RPRD1B: variants seen among roughly 807,000 people sequenced by gnomAD.
RPRD1B encodes the protein regulation of nuclear pre-mRNA domain containing 1B.
A neutral mutation model predicts 41.5 loss-of-function variants in RPRD1B; 11 were observed. That is an observed-to-expected ratio of 0.27 (90% CI 0.17 to 0.44). The LOEUF is 0.44. Among genes scored for constraint, RPRD1B ranks in the 20% least tolerant of loss-of-function variants. The pLI, the probability that RPRD1B is intolerant of heterozygous loss-of-function variation, is 1.00. For missense variants in RPRD1B, 248 were observed against 389.9 expected (o/e 0.64, Z 3.06); for synonymous variants, 158 against 155.6 (o/e 1.02, Z -0.12).
At chr20:38,070,775 T>C in intron 6 of RPRD1B, 12 of 965,080 alleles carry the variant, frequency 1.2e-5, no homozygotes, top group Non-Finnish European at 1.5e-5. Flanking sequence ...ACTCTTGCTC[T>C]GTTGCCCAGG....
intron 3 of RPRD1B, among the ~76,000 whole-genome samples, chr20:38,050,038 ACT>A (rs1362018520): frequency 2.6e-5 from 4 of 152,020 alleles, no homozygotes; most frequent in Non-Finnish European, 5.9e-5. Flanking sequence ...CAAGAATGCA[ACT>A]CTCATTCTGA....
At chr20:38,056,551 A>C (rs2074243391) in intron 3 of RPRD1B, among the ~76,000 whole-genome samples, 1 of 152,232 alleles carries the variant, frequency 6.6e-6, no homozygotes, top group South Asian at 2.1e-4. Flanking sequence ...ATGTATCTGC[A>C]GCAGGTGCCT....
intron 5 of RPRD1B, among the ~76,000 whole-genome samples, chr20:38,060,328 C>G (rs1238039725): frequency 6.6e-6 from 1 of 152,226 alleles, no homozygotes; most frequent in Non-Finnish European, 1.5e-5. Flanking sequence ...CATTTTCCCA[C>G]TCCAGTCCCT....
chr20:38,089,974 TC>T lies in RPRD1B; in HGVS notation c.*101del. On this transcript the variant is annotated 3_prime_UTR_variant, in exon 7 of 7. Transcript: ENST00000373433. ...TCTAGCCCCTGGTTCTATCCCTTCT[TC>T]CGCCCAGCCCCCCAGCCTCAAGAAA... 1 of 1,511,360 alleles carries T rather than the reference TC, an allele frequency of 6.6e-7. No homozygotes were observed. Among genetic ancestry groups the T allele is most frequent in the South Asian group, 1.3e-5 (1 of 74,304 alleles). The allele number at this position is 1,511,360 out of a possible 1,614,324, so 93.6% of individuals were successfully genotyped here. A position where few individuals can be genotyped will look rare whatever the true frequency, so the allele number is the denominator to read the frequency against.
At chr20:38,037,370 TA>T (rs1196811529) in intron 1 of RPRD1B, among the ~76,000 whole-genome samples, 2 of 152,224 alleles carry the variant, frequency 1.3e-5, no homozygotes, top group African/African-American at 4.8e-5. Context: ...ATTGCAGAAT[TA>T]CTTTAAGACT....
intron 6 of RPRD1B, among the ~76,000 whole-genome samples, chr20:38,069,403 T>C (rs1407266887): frequency 6.6e-6 from 1 of 152,218 alleles, no homozygotes; most frequent in Non-Finnish European, 1.5e-5. Context: ...AAGTCCAAAC[T>C]TCCTGTCAGG....
rs559638255 is a variant in RPRD1B at position 38,084,175 on chromosome 20, G to C, written c.832-5551G>C. ...TTAAATATTGGTGGGGTGTGGGTCA[G>C]CTTCCCCTTTGGGCTTGGCTTTCTC... On this transcript the variant is annotated intron_variant, in intron 6 of 6. Transcript: ENST00000373433. 4.6e-4 allele frequency among the ~76,000 whole-genome samples: 70 copies of C among 152,246 alleles called. 1 individual carries two copies. The highest frequency in any genetic ancestry group is 3.4e-3 in the Middle Eastern group (1 of 294).
intron 3 of RPRD1B, among the ~76,000 whole-genome samples, chr20:38,051,817 C>T (rs1391654101): frequency 2.0e-5 from 3 of 151,960 alleles, no homozygotes; most frequent in African/African-American, 7.3e-5. Context: ...AATGGCGGGA[C>T]CTCGGCTCAC....
chr20:38,090,133 C>T lies in RPRD1B; in HGVS notation c.*258C>T, dbSNP rs1418392028. The T allele has an allele frequency of 5.1e-6, 6 of 1,185,594 alleles. No homozygotes were observed. The highest frequency in any genetic ancestry group is 3.8e-5 in the East Asian group (1 of 25,996). 73.4% of individuals were successfully genotyped at this position (1,185,594 alleles called of 1,614,324 possible). A position where few individuals can be genotyped will look rare whatever the true frequency, so the allele number is the denominator to read the frequency against. On this transcript the variant is annotated 3_prime_UTR_variant, in exon 7 of 7. Transcript: ENST00000373433. ...TTTCTCCCACTTCATATTTTCATGC[C>T]CCCCTGTTGGTTTTCCATTCTTAAC...
At chr20:38,044,513 A>G (rs912537277) in intron 2 of RPRD1B, among the ~76,000 whole-genome samples, 2 of 151,744 alleles carry the variant, frequency 1.3e-5, no homozygotes, top group African/African-American at 2.4e-5. Flanking sequence ...AGCTGGGACT[A>G]CAGGCGCCCG....
chr20:38,062,895 C>A (rs1023714078), intron 5 of RPRD1B, among the ~76,000 whole-genome samples: 5 of 131,730 alleles, frequency 3.8e-5, no homozygotes, highest in African/African-American at 1.4e-4. Context: ...GAGTCAGTGG[C>A]ATGATCTTAG....
At chr20:38,034,197 C>G (rs2073967304) in intron 1 of RPRD1B, 99 bp downstream of exon 1, 1 of 1,317,364 alleles carries the variant, frequency 7.6e-7, no homozygotes, top group Non-Finnish European at 1.0e-6. Flanking sequence ...GCCTTGCTTT[C>G]CAGGCCTGAT....
Position 38,090,643 on chromosome 20 carries a change from A to T in RPRD1B, c.*768A>T. 1.0e-6 allele frequency: 1 copy of T among 985,480 alleles called. No individual in the cohort carries two copies. The highest frequency in any genetic ancestry group is 1.2e-6 in the Non-Finnish European group (1 of 829,928). The allele number at this position is 985,480 out of a possible 1,614,324, so 61.0% of individuals were successfully genotyped here. On this transcript the variant is annotated 3_prime_UTR_variant, in exon 7 of 7. Transcript: ENST00000373433. ...TCTCCACTGTCGGAGCACGTTCCGA[A>T]AAACAGAATGCCTTGATCCCTGGTG...
chr20:38,079,149 G>C (rs529277629), intron 6 of RPRD1B, among the ~76,000 whole-genome samples: 33 of 152,230 alleles, frequency 2.2e-4, no homozygotes, highest in Non-Finnish European at 4.3e-4. Flanking sequence ...CGTGCCATAG[G>C]CGTTGTTTTC....
intron 4 of RPRD1B, 113 bp from the exon 5 acceptor site, chr20:38,059,281 A>G (rs1451762411): frequency 8.9e-7 from 1 of 1,129,838 alleles, no homozygotes; most frequent in African/African-American, 1.6e-5. Context: ...TTTTTTTAAG[A>G]AATGGCAGGA....
At chr20:38,040,383 A>T in intron 1 of RPRD1B, 52 bp from the exon 2 acceptor site, 1 of 1,472,560 alleles carries the variant, frequency 6.8e-7, no homozygotes, top group East Asian at 2.3e-5. Flanking sequence ...AAGAATTGTG[A>T]ATTGAGAATT....
At chr20:38,034,285 T>A (rs913825891) in intron 1 of RPRD1B, among the ~76,000 whole-genome samples, 187 bp downstream of exon 1, 1 of 152,222 alleles carries the variant, frequency 6.6e-6, no homozygotes, top group Non-Finnish European at 1.5e-5. Context: ...TTTAAGGTAC[T>A]TGCCTGAGGG....
chr20:38,046,114 TGA>T (rs1178651359), intron 2 of RPRD1B, among the ~76,000 whole-genome samples: 1 of 152,164 alleles, frequency 6.6e-6, no homozygotes. Flanking sequence ...CACATGCACA[TGA>T]GAGAACAAAT....
intron 6 of RPRD1B, among the ~76,000 whole-genome samples, chr20:38,084,797 CT>C (rs1186090480): frequency 1.3e-5 from 2 of 152,136 alleles, no homozygotes; most frequent in African/African-American, 2.4e-5. Flanking sequence ...AGCATAAATC[CT>C]AGGCTTTATC....
Sources: allele counts gnomAD v4.1 joint callset (sites outside exome capture counted in the v4.1 genomes callset), GRCh38; gene constraint gnomAD v4.1.1; transcripts MANE v1.5; gene names NCBI Gene and HGNC (gene_info 2026-07-23, HGNC 2026-07-21).